Variants in ATP6V1E1 observed in about 807,000 individuals in gnomAD.
ATP6V1E1 encodes ATPase H+ transporting V1 subunit E1.
A neutral mutation model predicts 35.2 loss-of-function variants in ATP6V1E1; 21 were observed. The ratio of observed to expected loss-of-function variants is 0.60; its 90% CI spans 0.42 to 0.86. ATP6V1E1 has a LOEUF of 0.86. Among genes scored for constraint, ATP6V1E1 ranks in the 40% least tolerant of loss-of-function variants. The pLI is 0.00. For missense variants in ATP6V1E1, 183 were observed against 272.6 expected (o/e 0.67, Z 2.32); for synonymous variants, 83 against 87.8 (o/e 0.95, Z 0.30).
intron 1 of ATP6V1E1, among the ~76,000 whole-genome samples, chr22:17,621,642 C>G (rs993265011): frequency 6.6e-6 from 1 of 152,192 alleles, no homozygotes; most frequent in South Asian, 2.1e-4. Flanking sequence ...CCCTTCACTA[C>G]TCACCATCTT....
At chr22:17,594,428 A>T (rs2057720754) in intron 8 of ATP6V1E1, 101 bp downstream of exon 8, 1 of 957,452 alleles carries the variant, frequency 1.0e-6, no homozygotes, top group Non-Finnish European at 1.5e-6. Flanking sequence ...CAAAACTGGA[A>T]AGACAGCAAC....
At chr22:17,602,956 CATT>C (rs2057768939) in intron 4 of ATP6V1E1, among the ~76,000 whole-genome samples, 1 of 151,840 alleles carries the variant, frequency 6.6e-6, no homozygotes, top group East Asian at 1.9e-4. Flanking sequence ...TTTAAAGAAA[CATT>C]ATTATTATTA....
chr22:17,606,453 A>C (rs2057787406), intron 4 of ATP6V1E1, among the ~76,000 whole-genome samples: 2 of 151,780 alleles, frequency 1.3e-5, no homozygotes, highest in African/African-American at 4.8e-5. Flanking sequence ...ACAGGGTTCA[A>C]TGACGGCAAG....
intron 4 of ATP6V1E1, among the ~76,000 whole-genome samples, chr22:17,610,205 T>C (rs2057808569): frequency 6.6e-6 from 1 of 152,160 alleles, no homozygotes; most frequent in Non-Finnish European, 1.5e-5. Context: ...GAAGTATATC[T>C]AATGAAAACG....
At chr22:17,613,501 A>G (rs576152834) in intron 2 of ATP6V1E1, among the ~76,000 whole-genome samples, 181 bp from the exon 3 acceptor site, 27 of 152,242 alleles carry the variant, frequency 1.8e-4, no homozygotes, top group African/African-American at 6.3e-4. Flanking sequence ...AATTTTCATT[A>G]TAAATGACGT....
chr22:17,619,391 A>C (rs559076586), intron 2 of ATP6V1E1, 70 bp downstream of exon 2: 1 of 1,348,138 alleles, frequency 7.4e-7, no homozygotes, highest in Non-Finnish European at 1.0e-6. Context: ...TTTTACTAAC[A>C]ATATTATTTA....
chr22:17,592,432 A>G lies in ATP6V1E1; in HGVS notation c.*242T>C. On this transcript the variant is annotated 3_prime_UTR_variant, in exon 9 of 9. Coordinates refer to ENST00000253413, the MANE Select transcript of ATP6V1E1 (RefSeq NM_001696.4). ...CTGCCCCCTCCCCTAGTGCTGCAGAACCGGCTGGACACTGTCACACTTTCA... is the reference window on the plus strand; with the variant it reads ...CTGCCCCCTCCCCTAGTGCTGCAGAGCCGGCTGGACACTGTCACACTTTCA... The G allele has an allele frequency of 3.9e-6, 2 of 508,590 alleles. No individual in the cohort carries two copies. The highest frequency in any genetic ancestry group is 4.6e-5 in the South Asian group (2 of 43,872). 31.5% of individuals were successfully genotyped at this position (508,590 alleles called of 1,614,324 possible).
chr22:17,623,311 A>G (rs139474350), intron 1 of ATP6V1E1, among the ~76,000 whole-genome samples: 177 of 152,304 alleles, frequency 1.2e-3, no homozygotes, highest in African/African-American at 4.1e-3. Flanking sequence ...ATTTGGGAGT[A>G]TGGAGAGGGG....
chr22:17,614,351 A>AAAAAAT (rs138805677), intron 2 of ATP6V1E1, among the ~76,000 whole-genome samples: 198 of 149,020 alleles, frequency 1.3e-3, no homozygotes, highest in African/African-American at 4.1e-3. Context: ...ACTCCATCTA[A>AAAAAAT]AAAAATAAAA....
chr22:17,613,722 C>CT (rs1351502678), intron 2 of ATP6V1E1, among the ~76,000 whole-genome samples: 3 of 151,926 alleles, frequency 2.0e-5, no homozygotes, highest in African/African-American at 7.2e-5. Flanking sequence ...AATCCCAATA[C>CT]TTTGGGAGGC....
intron 2 of ATP6V1E1, among the ~76,000 whole-genome samples, chr22:17,616,679 C>CAAAAA (rs374090230): frequency 1.9e-5 from 1 of 52,656 alleles, no homozygotes; most frequent in African/African-American, 7.5e-5. Flanking sequence ...AACTCCGGCT[C>CAAAAA]AAAAAAAAAA....
chr22:17,627,502 G>A (rs958728357), intron 1 of ATP6V1E1, among the ~76,000 whole-genome samples: 1 of 151,684 alleles, frequency 6.6e-6, no homozygotes, highest in South Asian at 2.1e-4. Flanking sequence ...ATGATAGAGG[G>A]GACTTCCCCA....
At chr22:17,613,432 A>G in intron 2 of ATP6V1E1, 112 bp from the exon 3 acceptor site, 1 of 779,976 alleles carries the variant, frequency 1.3e-6, no homozygotes, top group Non-Finnish European at 2.1e-6. Flanking sequence ...TATATAAAAC[A>G]GAAAATTTAT....
At chr22:17,610,341 C>A (rs970822007) in intron 4 of ATP6V1E1, among the ~76,000 whole-genome samples, 1 of 152,048 alleles carries the variant, frequency 6.6e-6, no homozygotes, top group Non-Finnish European at 1.5e-5. Context: ...CAAGTCAAGT[C>A]AAATCCACTA....
intron 4 of ATP6V1E1, among the ~76,000 whole-genome samples, chr22:17,609,079 C>T (rs1405588620): frequency 6.6e-6 from 1 of 150,436 alleles, no homozygotes; most frequent in Admixed American, 6.6e-5. Context: ...GGCGATAGAG[C>T]GAGACTCCGT....
At chr22:17,622,427 C>T (rs915301056) in intron 1 of ATP6V1E1, among the ~76,000 whole-genome samples, 6 of 152,184 alleles carry the variant, frequency 3.9e-5, no homozygotes, top group African/African-American at 1.4e-4. Context: ...ATAGCAGCTT[C>T]TCCATATAAC....
intron 4 of ATP6V1E1, among the ~76,000 whole-genome samples, chr22:17,609,876 G>C (rs1478538609): frequency 5.3e-5 from 8 of 152,112 alleles, no homozygotes; most frequent in African/African-American, 1.9e-4. Context: ...AGAGAGAAGG[G>C]AAAAAAGTTG....
At chr22:17,614,829 C>T (rs1438110262) in intron 2 of ATP6V1E1, among the ~76,000 whole-genome samples, 5 of 150,312 alleles carry the variant, frequency 3.3e-5, no homozygotes, top group South Asian at 4.2e-4. Context: ...ATTAGGCGGG[C>T]GTGGTGGCAG....
At chr22:17,622,777 C>T (rs764300075) in intron 1 of ATP6V1E1, among the ~76,000 whole-genome samples, 9 of 152,040 alleles carry the variant, frequency 5.9e-5, no homozygotes, top group Non-Finnish European at 1.0e-4. Flanking sequence ...ACCAGCCTGG[C>T]CAAGATGGAG....
Sources: gnomAD v4.1 joint callset for allele counts (sites outside exome capture counted in the v4.1 genomes callset) on GRCh38, gnomAD v4.1.1 for gene constraint, MANE v1.5 for transcripts, NCBI Gene and HGNC (gene_info 2026-07-23, HGNC 2026-07-21) for gene names.